NMT1: variants seen among roughly 807,000 people sequenced by gnomAD.
The protein encoded by NMT1 is glycylpeptide N-tetradecanoyltransferase 1.
Under a neutral mutation model 63.4 loss-of-function variants are expected in NMT1, and 12 were observed. That is an observed-to-expected ratio of 0.19 (90% confidence interval 0.12 to 0.31). The LOEUF is 0.31. Ranked by LOEUF, NMT1 falls within the 10% of genes least tolerant of loss-of-function variation. NMT1 has a pLI of 1.00. For missense variants in NMT1, 432 were observed against 634.6 expected (o/e 0.68, Z 3.43); for synonymous variants, 228 against 234.3 (o/e 0.97, Z 0.25).
At chr17:45,099,592 C>T (rs1048289857) in intron 8 of NMT1, 79 bp downstream of exon 8, 63 of 1,022,248 alleles carry the variant, frequency 6.2e-5, no homozygotes, top group Admixed American at 3.2e-4. Flanking sequence ...GAGAAGGGCT[C>T]TGGGTGGAGA....
chr17:45,088,765 T>TAA (rs34592604), intron 3 of NMT1, among the ~76,000 whole-genome samples: 1 of 141,744 alleles, frequency 7.1e-6, no homozygotes. Context: ...AAAATGAATT[T>TAA]AAAAAAAAAA....
chr17:45,098,054 G>A (rs1327728806), intron 6 of NMT1, among the ~76,000 whole-genome samples: 5 of 152,132 alleles, frequency 3.3e-5, no homozygotes, highest in African/African-American at 9.7e-5. Context: ...GACCTGCCCC[G>A]TGGGTTCCCT....
At chr17:45,095,540 C>T (rs942971564) in intron 4 of NMT1, among the ~76,000 whole-genome samples, 6 of 152,176 alleles carry the variant, frequency 3.9e-5, no homozygotes, top group East Asian at 1.9e-4. Flanking sequence ...GTGGGAAGAT[C>T]GATTGAGCCC....
In NMT1 at chr17:45,106,407, G is replaced by A. The variant is rs2054202819; in HGVS notation, c.*768G>A. ...CTTCCATCCCCTTGGCCTGCTCCCT[G>A]TAGGAAGTCATCCTGCCAACTGATT... On this transcript the variant is annotated 3_prime_UTR_variant, in exon 12 of 12. Transcript: ENST00000258960. The A allele has an allele frequency of 2.6e-5, 4 of 152,666 alleles. No individual in the cohort carries two copies. The highest frequency in any genetic ancestry group is 9.7e-5 in the African/African-American group (4 of 41,448). 9.5% of individuals were successfully genotyped at this position (152,666 alleles called of 1,614,324 possible). A position where few individuals can be genotyped will look rare whatever the true frequency, so the allele number is the denominator to read the frequency against.
At chr17:45,066,555 A>T (rs1177512311) in intron 1 of NMT1, among the ~76,000 whole-genome samples, 1 of 150,908 alleles carries the variant, frequency 6.6e-6, no homozygotes, top group African/African-American at 2.4e-5. Flanking sequence ...GGAGTTCGAG[A>T]CCAGCCTGGG....
Position 45,085,798 on chromosome 17 carries a change from TTTGAA to T in NMT1, c.241-706_241-702del, listed in dbSNP as rs2054048012. Among the ~76,000 whole-genome samples, 4 of 152,146 alleles carry T rather than the reference TTTGAA, an allele frequency of 2.6e-5. No individual in the cohort carries two copies. In the South Asian group the frequency reaches 8.3e-4, roughly 32 times the overall value. On this transcript the variant is annotated intron_variant, in intron 2 of 11. Transcript: ENST00000258960. ...TAGGACAGAGGAACCAAACCCCTTC[TTTGAA>T]TTGTACCCTTTAACTCTTTTTTTTT...
chr17:45,096,270 C>G lies in NMT1; in HGVS notation c.581C>G (p.Pro194Arg). 2 of 1,613,792 alleles carry G rather than the reference C, an allele frequency of 1.2e-6. No individual in the cohort carries two copies. Among genetic ancestry groups the G allele is most frequent in the Non-Finnish European group, 1.7e-6 (2 of 1,179,690 alleles). The change falls in exon 5 of 12, where the codon CCG (proline) becomes CGG (arginine). Residue 194 changes from proline to arginine, a missense_variant. Around this residue, in one of 4 missense-constraint regions of NMT1, gnomAD observed 295 missense variants for 489.7 expected, o/e 0.60. Coordinates refer to ENST00000258960, the MANE Select transcript of NMT1 (RefSeq NM_021079.5). Reference protein sequence around the residue: ...DDNMFRFDYSPEFLLWALRPP... With the variant: ...DDNMFRFDYSREFLLWALRPP... ...AACATGTTCCGATTTGATTATTCCC[C>G]GGAGTTTCTTTTGTGGTAAGTTGTG...
At chr17:45,061,722 C>G (rs917262938) in intron 1 of NMT1, 3 of 368,914 alleles carry the variant, frequency 8.1e-6, no homozygotes, top group South Asian at 7.1e-5. Context: ...TCAGGCCATT[C>G]CTGGGAAAAG....
rs2053897057 is a variant in NMT1 at position 45,065,597 on chromosome 17, CT to C, written c.131+4138del. On this transcript the variant is annotated intron_variant, in intron 1 of 11. Transcript: ENST00000258960. The stretch of plus-strand genomic sequence containing the variant: ...CGAGATTGCGCCATTGCACTCCAGC[CT>C]GGGCGACAGAGCCAGACTCTGTCTC... 2.2e-5 allele frequency among the ~76,000 whole-genome samples: 3 copies of C among 135,058 alleles called. No individual in the cohort carries two copies. In the South Asian group the frequency reaches 6.9e-4, roughly 31 times the overall value. 88.6% of individuals were successfully genotyped at this position (135,058 alleles called of 152,430 possible).
At chr17:45,072,924 C>T (rs1269673588) in intron 1 of NMT1, among the ~76,000 whole-genome samples, 1 of 152,144 alleles carries the variant, frequency 6.6e-6, no homozygotes, top group Non-Finnish European at 1.5e-5. Flanking sequence ...AAGAGCACAG[C>T]ATTTCCATTG....
At chr17:45,066,453 T>G (rs2053903340) in intron 1 of NMT1, among the ~76,000 whole-genome samples, 1 of 152,086 alleles carries the variant, frequency 6.6e-6, no homozygotes, top group Admixed American at 6.6e-5. Flanking sequence ...AAACATTTGG[T>G]GAATATAAAA....
chr17:45,092,640 G>A (rs1476720715), intron 3 of NMT1, among the ~76,000 whole-genome samples: 1 of 151,132 alleles, frequency 6.6e-6, no homozygotes, highest in East Asian at 1.9e-4. Flanking sequence ...AACCAGGGAG[G>A]TGAAGGTTGC....
chr17:45,073,986 A>G (rs1400679201), intron 1 of NMT1, among the ~76,000 whole-genome samples: 1 of 152,068 alleles, frequency 6.6e-6, no homozygotes. Flanking sequence ...AGGCCCACAT[A>G]TGGACCCTCG....
chr17:45,101,132 T>C (rs548858402), intron 8 of NMT1, among the ~76,000 whole-genome samples: 1 of 151,142 alleles, frequency 6.6e-6, no homozygotes, highest in Non-Finnish European at 1.5e-5. Context: ...TGCAGTGAGC[T>C]GAGATAGCGC....
Position 45,061,324 on chromosome 17 carries a change from C to T in NMT1, c.-6C>T, listed in dbSNP as rs892415557. On this transcript the variant is annotated 5_prime_UTR_variant, in exon 1 of 12. Transcript: ENST00000258960. ...GGGGCGCGGAGCCCTGCTCTCGCAA[C>T]TCAAGATGGCGGACGAGAGTGAGAC... 6.2e-7 allele frequency: 1 copy of T among 1,612,910 alleles called. No homozygotes were observed. The highest frequency in any genetic ancestry group is 8.5e-7 in the Non-Finnish European group (1 of 1,179,580).
intron 1 of NMT1, among the ~76,000 whole-genome samples, chr17:45,070,708 C>T (rs555449569): frequency 5.3e-5 from 8 of 152,250 alleles, no homozygotes; most frequent in Non-Finnish European, 8.8e-5. Flanking sequence ...TGAGCCACCG[C>T]GCCTGGCCAA....
In NMT1 at chr17:45,106,124, CA is replaced by C. The variant is rs2054201254; in HGVS notation, c.*486del. On this transcript the variant is annotated 3_prime_UTR_variant, in exon 12 of 12. Coordinates refer to ENST00000258960, the MANE Select transcript of NMT1 (RefSeq NM_021079.5). Reference sequence around the variant, plus strand: ...CGTTGGCACAGTTCATGGTTTCCTCCAGAGGAGACATTGGCTTATCATGGGG... The same window carrying C: ...CGTTGGCACAGTTCATGGTTTCCTCCGAGGAGACATTGGCTTATCATGGGG... 6.6e-6 allele frequency: 1 copy of C among 152,444 alleles called. No individual in the cohort carries two copies. Among genetic ancestry groups the C allele is most frequent in the African/African-American group, 2.4e-5 (1 of 41,388 alleles). 9.4% of individuals were successfully genotyped at this position (152,444 alleles called of 1,614,324 possible).
intron 7 of NMT1, 48 bp from the exon 8 acceptor site, chr17:45,099,357 A>T: frequency 7.6e-7 from 1 of 1,322,082 alleles, no homozygotes; most frequent in Non-Finnish European, 1.1e-6. Flanking sequence ...TGTCCTTGTA[A>T]TAGGGATTGG....
At chr17:45,102,071 T>G (rs1400352768) in intron 8 of NMT1, among the ~76,000 whole-genome samples, 1 of 152,210 alleles carries the variant, frequency 6.6e-6, no homozygotes, top group Non-Finnish European at 1.5e-5. Flanking sequence ...GGAGCTGCCA[T>G]GTAGAATGAG....
Sources: allele counts gnomAD v4.1 joint callset (sites outside exome capture counted in the v4.1 genomes callset), GRCh38; gene constraint gnomAD v4.1.1; regional missense constraint gnomAD v4.1.1; transcripts MANE v1.5; gene names NCBI Gene and HGNC (gene_info 2026-07-23, HGNC 2026-07-21).